Variants in ALDH9A1 observed in about 807,000 individuals in gnomAD.
The protein encoded by ALDH9A1 is aldehyde dehydrogenase 9 family member A1.
A neutral mutation model predicts 56.6 loss-of-function variants in ALDH9A1; 42 were observed. The ratio of observed to expected loss-of-function variants is 0.74; its 90% CI spans 0.58 to 0.96. The LOEUF (loss-of-function observed/expected upper bound fraction) is 0.96, where lower values mean the gene tolerates loss of function less well. Among genes scored for constraint, ALDH9A1 ranks in the 40% least tolerant of loss-of-function variants. The pLI is 0.00. For synonymous variants in ALDH9A1, 242 were observed against 236.0 expected (o/e 1.03, Z -0.23); for missense variants, 661 against 651.5 (o/e 1.01, Z -0.16).
intron 2 of ALDH9A1, among the ~76,000 whole-genome samples, chr1:165,694,074 G>A (rs1272110515): frequency 1.4e-5 from 2 of 145,970 alleles, no homozygotes; most frequent in Non-Finnish European, 3.0e-5. Context: ...GGGGTGGGGG[G>A]CTGGGGGAGG....
rs1649113035 is a variant in ALDH9A1, at chr1:165,669,555, T to C, written c.931-105A>G. 7.1e-6 allele frequency: 7 copies of C among 989,954 alleles called. No individual in the cohort carries two copies. In the South Asian group the frequency reaches 8.0e-5, roughly 11 times the overall value. The allele number at this position is 989,954 out of a possible 1,614,324, so 61.3% of individuals were successfully genotyped here. ...AACTTTAAACTGAAAAGAGACACTA[T>C]ACATTTTTTAAAAGGATATTTCCAT... On this transcript the variant is annotated intron_variant, in intron 6 of 10. Coordinates refer to ENST00000354775, the MANE Select transcript of ALDH9A1 (RefSeq NM_000696.4).
Position 165,665,149 on chromosome 1 carries a change from T to C in ALDH9A1, c.1350-19A>G. 1 of 1,574,466 alleles carries C rather than the reference T, an allele frequency of 6.4e-7. No individual in the cohort carries two copies. The highest frequency in any genetic ancestry group is 2.2e-5 in the East Asian group (1 of 44,650). On this transcript the variant is annotated intron_variant, in intron 9 of 10. Transcript: ENST00000354775. ...GATGTCCCTATGAAGAAAAAAAAAA[T>C]GTGTGCATTATTGAGAGTTTCTTAG...
At chr1:165,682,526 GA>G (rs1227586807) in intron 3 of ALDH9A1, among the ~76,000 whole-genome samples, 1 of 152,170 alleles carries the variant, frequency 6.6e-6, no homozygotes, top group Admixed American at 6.5e-5. Context: ...AGATAGCTTA[GA>G]TGAAACAAAA....
chr1:165,669,482 T>G, intron 6 of ALDH9A1, 32 bp from the exon 7 acceptor site: 9 of 1,567,960 alleles, frequency 5.7e-6, no homozygotes, highest in Non-Finnish European at 7.8e-6. Context: ...TCAATTTCTA[T>G]GTGTGTAAGG....
chr1:165,681,631 T>C (rs994024956), intron 4 of ALDH9A1, among the ~76,000 whole-genome samples: 1 of 152,190 alleles, frequency 6.6e-6, no homozygotes, highest in Non-Finnish European at 1.5e-5. Context: ...AGAAAACTAT[T>C]TTATGTCAAT....
In ALDH9A1 at chr1:165,679,430, A is replaced by G; in HGVS notation, c.930+12T>C. The stretch of plus-strand genomic sequence containing the variant: ...GATTCCTTTTACACCTCTTCCAGGG[A>G]CAGGTACATACCTGGCCTTGTGTGA... On this transcript the variant is annotated intron_variant, in intron 6 of 10. Coordinates refer to ENST00000354775, the MANE Select transcript of ALDH9A1 (RefSeq NM_000696.4). The G allele has an allele frequency of 6.2e-7, 1 of 1,613,892 alleles. No individual in the cohort carries two copies. Among genetic ancestry groups the G allele is most frequent in the Non-Finnish European group, 8.5e-7 (1 of 1,179,832 alleles).
At chr1:165,680,732 A>G in intron 4 of ALDH9A1, 49 bp from the exon 5 acceptor site, 1 of 1,520,124 alleles carries the variant, frequency 6.6e-7, no homozygotes, top group South Asian at 1.3e-5. Flanking sequence ...AAGACCAGTG[A>G]TCCCCTGAAA....
chr1:165,682,921 A>C (rs1346459771), intron 3 of ALDH9A1, 60 bp downstream of exon 3: 2 of 1,578,728 alleles, frequency 1.3e-6, no homozygotes, highest in African/African-American at 2.7e-5. Context: ...GCCCTTCACC[A>C]CTAGGCCCTG....
chr1:165,692,961 A>G (rs1328457235), intron 2 of ALDH9A1, among the ~76,000 whole-genome samples: 1 of 151,928 alleles, frequency 6.6e-6, no homozygotes, highest in East Asian at 1.9e-4. Context: ...ACAAGAAATG[A>G]GGAAAGGATT....
chr1:165,674,081 T>C (rs1649265999), intron 6 of ALDH9A1, among the ~76,000 whole-genome samples: 2 of 152,140 alleles, frequency 1.3e-5, no homozygotes, highest in African/African-American at 4.8e-5. Flanking sequence ...CTAATTATAA[T>C]GCATCAACAT....
At chr1:165,688,591 G>C (rs1338810899) in intron 2 of ALDH9A1, among the ~76,000 whole-genome samples, 3 of 151,922 alleles carry the variant, frequency 2.0e-5, no homozygotes, top group Non-Finnish European at 4.4e-5. Flanking sequence ...GTATGGTGGT[G>C]CACATATACG....
At chr1:165,692,526 CA>C (rs1487847284) in intron 2 of ALDH9A1, among the ~76,000 whole-genome samples, 1 of 152,136 alleles carries the variant, frequency 6.6e-6, no homozygotes, top group African/African-American at 2.4e-5. Context: ...AGGACCTCTT[CA>C]AGGAGAACTA....
At position 165,682,092 on chromosome 1, in the gene ALDH9A1, A is replaced by C; in HGVS notation, c.592+15T>G. The C allele has an allele frequency of 6.2e-7, 1 of 1,613,602 alleles. No homozygotes were observed. Among genetic ancestry groups the C allele is most frequent in the Admixed American group, 1.7e-5 (1 of 59,976 alleles). ...GAACGAATGGCTCTCAAATGGAGGG[A>C]TAATTCATTCTTACCACAGGCTAAT... On this transcript the variant is annotated intron_variant, in intron 4 of 10. Coordinates refer to ENST00000354775, the MANE Select transcript of ALDH9A1 (RefSeq NM_000696.4).
chr1:165,673,692 A>T (rs142244965), intron 6 of ALDH9A1, among the ~76,000 whole-genome samples: 2 of 152,292 alleles, frequency 1.3e-5, no homozygotes, highest in Non-Finnish European at 2.9e-5. Context: ...CCTGAATACA[A>T]GAGACCCTAA....
At chr1:165,671,626 G>C (rs1320455079) in intron 6 of ALDH9A1, 1 of 482,300 alleles carries the variant, frequency 2.1e-6, no homozygotes, top group East Asian at 5.6e-5. Context: ...GTCTGATTCT[G>C]ATAGAGAGCC....
At chr1:165,685,592 T>G (rs952818379) in intron 2 of ALDH9A1, among the ~76,000 whole-genome samples, 17 of 152,104 alleles carry the variant, frequency 1.1e-4, no homozygotes, top group African/African-American at 3.1e-4. Flanking sequence ...AAACTCAGCG[T>G]CATGGCATTG....
At chr1:165,681,379 C>T (rs4578194) in intron 4 of ALDH9A1, among the ~76,000 whole-genome samples, 46,227 of 152,016 alleles carry the variant, frequency 0.3, 7,194 homozygotes, top group South Asian at 0.44. Flanking sequence ...GAATGGTTCA[C>T]TTGATGAGAG....
Position 165,668,857 on chromosome 1 carries a change from T to C in ALDH9A1, c.1207+69A>G, listed in dbSNP as rs778114926. 6 of 1,246,016 alleles carry C rather than the reference T, an allele frequency of 4.8e-6. No homozygotes were observed. The East Asian group carries it at 1.2e-4, about 24-fold the overall frequency. 77.2% of individuals were successfully genotyped at this position (1,246,016 alleles called of 1,614,324 possible). ...TGCTTTATATCATGTACATATTTTA[T>C]AAATATTCATCTCTATCTATTCAGT... is the stretch of plus-strand genomic sequence containing the variant. On this transcript the variant is annotated intron_variant, in intron 8 of 10. Coordinates refer to ENST00000354775, the MANE Select transcript of ALDH9A1 (RefSeq NM_000696.4).
At chr1:165,692,137 C>G (rs1649911815) in intron 2 of ALDH9A1, among the ~76,000 whole-genome samples, 1 of 152,202 alleles carries the variant, frequency 6.6e-6, no homozygotes, top group Admixed American at 6.5e-5. Context: ...AAACTGGAAG[C>G]ATTCCCTTTG....
Sources: gnomAD v4.1 joint callset for allele counts (sites outside exome capture counted in the v4.1 genomes callset) on GRCh38, gnomAD v4.1.1 for gene constraint, MANE v1.5 for transcripts, NCBI Gene and HGNC (gene_info 2026-07-23, HGNC 2026-07-21) for gene names.